Variants in LRRIQ1 observed in about 807,000 individuals in gnomAD.
LRRIQ1 encodes the protein leucine-rich repeat- and IQ domain-containing protein 1.
A neutral mutation model predicts 211.9 loss-of-function variants in LRRIQ1; 210 were observed. The ratio of observed to expected loss-of-function variants is 0.99; its 90% CI spans 0.89 to 1.11. The LOEUF (loss-of-function observed/expected upper bound fraction) is 1.11, where lower values mean the gene tolerates loss of function less well. Among genes scored for constraint, LRRIQ1 ranks in the 50% most tolerant of loss-of-function variants. The probability of loss-of-function intolerance (pLI) is 0.00; values close to 1 mark genes in which losing one functional copy is unlikely to be tolerated. For missense variants in LRRIQ1, 2,136 were observed against 1,939.5 expected, an observed-to-expected ratio of 1.10 and a Z score of -1.90; for synonymous variants, 699 against 650.1, an observed-to-expected ratio of 1.08 and a Z score of -1.14.
chr12:85,138,537 T>A (rs1245524843), intron 19 of LRRIQ1, among the ~76,000 whole-genome samples: 1 of 151,498 alleles, frequency 6.6e-6, no homozygotes, highest in Non-Finnish European at 1.5e-5. Flanking sequence ...ATTGTGTTCT[T>A]CTCAATGTAT....
intron 1 of LRRIQ1, 99 bp from the exon 2 acceptor site, chr12:85,038,054 A>T: frequency 1.3e-6 from 1 of 776,366 alleles, no homozygotes; most frequent in Non-Finnish European, 1.8e-6. Flanking sequence ...AAAGTTTGTT[A>T]AATTAAAACA....
intron 7 of LRRIQ1, 69 bp downstream of exon 7, chr12:85,052,320 A>G (rs1880439431): frequency 1.2e-6 from 1 of 826,118 alleles, no homozygotes; most frequent in Non-Finnish European, 1.9e-6. Flanking sequence ...TATGCTTGAA[A>G]TGGTTATTTT....
chr12:85,218,751 G>A (rs142682631), intron 24 of LRRIQ1, among the ~76,000 whole-genome samples: 83 of 151,996 alleles, frequency 5.5e-4, no homozygotes, highest in African/African-American at 1.9e-3. Context: ...TGGCTACTGG[G>A]TAGTTCTAAA....
intron 24 of LRRIQ1, among the ~76,000 whole-genome samples, chr12:85,187,035 T>C (rs1433110077): frequency 6.6e-6 from 1 of 152,186 alleles, no homozygotes; most frequent in African/African-American, 2.4e-5. Context: ...TGAAAATTAA[T>C]GTACTGTAAA....
chr12:85,056,211 CAATT>C lies in LRRIQ1; in HGVS notation c.1419_1422del (p.Ile474TrpfsTer13). 2 of 1,569,934 alleles carry C rather than the reference CAATT, an allele frequency of 1.3e-6. No homozygotes were observed. ...TTAAAAGAATCTATATCAAGCCAAA[CAATT>C]CTGGCAGATTTTAAAATGGAAGAAA... is the stretch of plus-strand genomic sequence containing the variant. On this transcript the variant is annotated frameshift_variant, in exon 8 of 27. Coordinates refer to ENST00000393217, the MANE Select transcript of LRRIQ1 (RefSeq NM_001079910.2). LOFTEE classifies it high-confidence loss of function.
chr12:85,073,110 T>G lies in LRRIQ1; in HGVS notation c.2887+12T>G, dbSNP rs766236566. ...CTTATACTGGAATTGTAAGTTGTGTTTATTTTTTATTTTGTTACTCTTTAT... is the reference window on the plus strand; with the variant it reads ...CTTATACTGGAATTGTAAGTTGTGTGTATTTTTTATTTTGTTACTCTTTAT... On this transcript the variant is annotated intron_variant, in intron 11 of 26. Coordinates refer to ENST00000393217, the MANE Select transcript of LRRIQ1 (RefSeq NM_001079910.2). The G allele has an allele frequency of 1.3e-6, 2 of 1,565,312 alleles. No homozygotes were observed. Among genetic ancestry groups the G allele is most frequent in the Non-Finnish European group, 1.7e-6 (2 of 1,145,462 alleles).
chr12:85,049,690 A>G (rs1017248741), intron 6 of LRRIQ1, among the ~76,000 whole-genome samples: 9 of 152,166 alleles, frequency 5.9e-5, no homozygotes, highest in Admixed American at 6.5e-5. Context: ...GTGGTTATTT[A>G]TACTGTATCA....
chr12:85,087,033 T>C (rs1884902344), intron 11 of LRRIQ1, among the ~76,000 whole-genome samples: 1 of 152,036 alleles, frequency 6.6e-6, no homozygotes, highest in Non-Finnish European at 1.5e-5. Flanking sequence ...CATGTTGGTG[T>C]ACTGCACCCA....
At chr12:85,045,233 A>G (rs1021347248) in intron 4 of LRRIQ1, among the ~76,000 whole-genome samples, 4 of 151,934 alleles carry the variant, frequency 2.6e-5, no homozygotes, top group African/African-American at 9.6e-5. Context: ...CAAATAAAAG[A>G]AAAACTTACT....
Position 85,245,001 on chromosome 12 carries a change from T to C in LRRIQ1, c.*60T>C, listed in dbSNP as rs1941788569. 1 of 1,580,946 alleles carries C rather than the reference T, an allele frequency of 6.3e-7. No homozygotes were observed. Among genetic ancestry groups the C allele is most frequent in the Admixed American group, 1.8e-5 (1 of 56,622 alleles). Reference sequence around the variant, plus strand: ...CAAGCATTCTTTTTCAGATAGGGGGTAGGATGCCAGCAACCTGAACTGCCC... The same window carrying C: ...CAAGCATTCTTTTTCAGATAGGGGGCAGGATGCCAGCAACCTGAACTGCCC... On this transcript the variant is annotated 3_prime_UTR_variant, in exon 27 of 27. Coordinates refer to ENST00000393217, the MANE Select transcript of LRRIQ1 (RefSeq NM_001079910.2).
At chr12:85,225,638 A>G (rs1894614713) in intron 24 of LRRIQ1, among the ~76,000 whole-genome samples, 3 of 152,196 alleles carry the variant, frequency 2.0e-5, no homozygotes, top group Admixed American at 2.0e-4. Flanking sequence ...TAGGTTGATA[A>G]TATAGGGAAT....
intron 18 of LRRIQ1, among the ~76,000 whole-genome samples, chr12:85,130,565 C>T (rs1447804421): frequency 1.3e-5 from 2 of 152,154 alleles, no homozygotes; most frequent in African/African-American, 4.8e-5. Flanking sequence ...AAGGAAGCAT[C>T]ATTCAGTCTT....
intron 11 of LRRIQ1, among the ~76,000 whole-genome samples, chr12:85,073,948 A>G (rs903215618): frequency 6.6e-6 from 1 of 152,026 alleles, no homozygotes; most frequent in Non-Finnish European, 1.5e-5. Flanking sequence ...TTAGTGAGTT[A>G]CTATTCCATG....
At chr12:85,256,185 T>C (rs1896084395) in intron 1 of LRRIQ1, among the ~76,000 whole-genome samples, 1 of 151,680 alleles carries the variant, frequency 6.6e-6, no homozygotes, top group African/African-American at 2.4e-5. Flanking sequence ...ATCTGTATTT[T>C]GTAAGAGAAC....
intron 24 of LRRIQ1, among the ~76,000 whole-genome samples, chr12:85,192,208 C>T (rs1892549435): frequency 6.6e-6 from 1 of 150,460 alleles, no homozygotes; most frequent in African/African-American, 2.4e-5. Flanking sequence ...CTTCTTTTGC[C>T]CACCTGTACT....
Position 85,124,528 on chromosome 12 carries a change from T to C in LRRIQ1, c.4007+9T>C. 2 of 1,582,106 alleles carry C rather than the reference T, an allele frequency of 1.3e-6. No individual in the cohort carries two copies. Among genetic ancestry groups the C allele is most frequent in the Non-Finnish European group, 1.7e-6 (2 of 1,156,808 alleles). On this transcript the variant is annotated intron_variant, in intron 17 of 26. Coordinates refer to ENST00000393217, the MANE Select transcript of LRRIQ1 (RefSeq NM_001079910.2). ...GAGCCTAGTGAAAAAATGTAAGATA[T>C]ATAAATAATGTTTCTTTTATAGATG...
chr12:85,179,445 C>A (rs993541754), intron 24 of LRRIQ1, among the ~76,000 whole-genome samples: 7 of 151,714 alleles, frequency 4.6e-5, no homozygotes, highest in African/African-American at 1.7e-4. Context: ...GTAGATATTG[C>A]AAAGGATACT....
chr12:85,133,758 A>G (rs1364628503), intron 18 of LRRIQ1, among the ~76,000 whole-genome samples: 1 of 152,154 alleles, frequency 6.6e-6, no homozygotes, highest in South Asian at 2.1e-4. Flanking sequence ...GTAGGTAACT[A>G]TACCTATTCC....
At chr12:85,036,738 C>T (rs1243858453) in intron 1 of LRRIQ1, among the ~76,000 whole-genome samples, 2 of 146,856 alleles carry the variant, frequency 1.4e-5, no homozygotes, top group Non-Finnish European at 3.0e-5. Context: ...TTTTCTGTCT[C>T]TCTTTCTTTC....
Sources: gnomAD v4.1 joint callset for allele counts (sites outside exome capture counted in the v4.1 genomes callset) on GRCh38, gnomAD v4.1.1 for gene constraint, MANE v1.5 for transcripts, NCBI Gene and HGNC (gene_info 2026-07-23, HGNC 2026-07-21) for gene names.